NAMPT: variants seen among roughly 807,000 people sequenced by gnomAD.
NAMPT encodes NAmPRTase.
In NAMPT, 7 loss-of-function variants were observed where a neutral mutation model predicts 58.7. That is an observed-to-expected ratio of 0.12 (90% CI 0.07 to 0.22). The LOEUF is 0.22. Ranked by LOEUF, NAMPT falls within the 10% of genes least tolerant of loss-of-function variation. NAMPT has a pLI of 1.00. For synonymous variants in NAMPT, 145 were observed against 198.1 expected (o/e 0.73, Z 2.25); for missense variants, 271 against 567.9 (o/e 0.48, Z 5.31).
At chr7:106,274,880 C>G in intron 3 of NAMPT, 66 bp downstream of exon 3, 2 of 1,048,710 alleles carry the variant, frequency 1.9e-6, no homozygotes, top group Middle Eastern at 6.3e-4. Context: ...AAAACAAATT[C>G]CTTTGCAAGA....
Position 106,274,726 on chromosome 7 carries a change from G to A in NAMPT, c.318+220C>T, listed in dbSNP as rs370963317. On this transcript the variant is annotated intron_variant, in intron 3 of 10. Coordinates refer to ENST00000222553, the MANE Select transcript of NAMPT (RefSeq NM_005746.3). ...AAAAATTAGCCAGGTGTGGTGGTGC[G>A]TGCCTGTAGTCCCAGCTACTAAGGA... Among the ~76,000 whole-genome samples the A allele has an allele frequency of 1.2e-3, 188 of 152,158 alleles. 7 individuals are homozygous for A. The South Asian group carries it at 0.037, about 30-fold the overall frequency.
Position 106,263,936 on chromosome 7 carries a change from A to C in NAMPT, c.744-319T>G, listed in dbSNP as rs149158652. Among the ~76,000 whole-genome samples, 1,391 of 152,118 alleles carry C rather than the reference A, an allele frequency of 9.1e-3. 11 individuals carry two copies. Among genetic ancestry groups the C allele is most frequent in the Admixed American group, 0.015 (230 of 15,280 alleles). Reference sequence around the variant, plus strand: ...AATCTACTCATTTAAAATCAGTCTAACTAAAAAGCACTTGCTGAGTGCCCT... The same window carrying C: ...AATCTACTCATTTAAAATCAGTCTACCTAAAAAGCACTTGCTGAGTGCCCT... On this transcript the variant is annotated intron_variant, in intron 6 of 10. Transcript: ENST00000222553.
intron 6 of NAMPT, among the ~76,000 whole-genome samples, chr7:106,267,853 AAAAAAAAAAAAAAAAAAAAAAAAC>A (rs1235404346): frequency 1.8e-5 from 2 of 113,912 alleles, no homozygotes; most frequent in African/African-American, 6.1e-5. Context: ...AAAAAAAAAA[AAAAAAAAAAAAAAAAAAAAAAAAC>A]AACCTGATTT....
intron 2 of NAMPT, 142 bp downstream of exon 2, chr7:106,276,881 C>A: frequency 1.6e-6 from 1 of 636,632 alleles, no homozygotes; most frequent in Non-Finnish European, 2.6e-6. Context: ...GAAAACTTTT[C>A]TCATACTTAG....
rs1378164973 is a variant in NAMPT at position 106,265,913 on chromosome 7, T to C, written c.744-2296A>G. Among the ~76,000 whole-genome samples the C allele has an allele frequency of 2.0e-5, 3 of 152,364 alleles. No homozygotes were observed. In the East Asian group the frequency reaches 5.8e-4, roughly 29 times the overall value. On this transcript the variant is annotated intron_variant, in intron 6 of 10. Transcript: ENST00000222553. The stretch of plus-strand genomic sequence containing the variant: ...TTAGGTGCAGATTCATCTATTAAGA[T>C]ACATACAATAGTGGTAAACCTCTAA...
intron 2 of NAMPT, chr7:106,275,428 T>G (rs1289198396): frequency 1.3e-5 from 2 of 154,628 alleles, no homozygotes; most frequent in Non-Finnish European, 2.9e-5. Context: ...ATGTGGCATC[T>G]TTAGGGTTGG....
rs1792130134 is a variant in NAMPT, at chr7:106,253,004, C to G, written c.1365+13G>C. The stretch of plus-strand genomic sequence containing the variant: ...ACTATTGCTTAAAAAAACCAATCAG[C>G]ATAGATACATACCTGACCATATTCC... On this transcript the variant is annotated intron_variant, in intron 10 of 10. Transcript: ENST00000222553. 1 of 1,611,772 alleles carries G rather than the reference C, an allele frequency of 6.2e-7. No homozygotes were observed. Among genetic ancestry groups the G allele is most frequent in the African/African-American group, 1.3e-5 (1 of 74,866 alleles).
chr7:106,267,872 A>AAAAAAAAAAAAAAAAAAAAAAAC (rs1562815992), intron 6 of NAMPT, among the ~76,000 whole-genome samples: 2 of 136,274 alleles, frequency 1.5e-5, no homozygotes, highest in African/African-American at 5.8e-5. Flanking sequence ...AAAAAAAAAA[A>AAAAAAAAAAAAAAAAAAAAAAAC]AAAACAACCT....
chr7:106,274,179 C>A (rs138684943), intron 3 of NAMPT, among the ~76,000 whole-genome samples: 1 of 151,228 alleles, frequency 6.6e-6, no homozygotes, highest in Non-Finnish European at 1.5e-5. Context: ...TCTCACTATA[C>A]AGTGAGAAAC....
At chr7:106,261,529 C>A in intron 8 of NAMPT, 59 bp downstream of exon 8, 2 of 1,327,738 alleles carry the variant, frequency 1.5e-6, no homozygotes, top group South Asian at 2.7e-5. Context: ...CTTTATCAAA[C>A]ATAAACAAAC....
At chr7:106,256,048 A>T (rs1321282876) in intron 8 of NAMPT, among the ~76,000 whole-genome samples, 1 of 152,198 alleles carries the variant, frequency 6.6e-6, no homozygotes, top group Non-Finnish European at 1.5e-5. Flanking sequence ...GTTAAAGTGA[A>T]TTTTGAGTCT....
intron 8 of NAMPT, among the ~76,000 whole-genome samples, chr7:106,257,324 A>G (rs1792219480): frequency 6.6e-6 from 1 of 151,882 alleles, no homozygotes; most frequent in South Asian, 2.1e-4. Context: ...AACTATACAG[A>G]TGCACATACA....
intron 9 of NAMPT, chr7:106,253,435 T>C (rs1792137508): frequency 3.0e-5 from 10 of 333,228 alleles, no homozygotes. Flanking sequence ...CATTCTAACA[T>C]GTGACCCTTA....
Position 106,250,278 on chromosome 7 carries a change from A to T in NAMPT, c.*805T>A, listed in dbSNP as rs1792084348. ...GGAAGCAGAAATTCTCTCTAAAAAC[A>T]TTATCTCCTTAAAATCTTGAGGTGC... On this transcript the variant is annotated 3_prime_UTR_variant, in exon 11 of 11. Coordinates refer to ENST00000222553, the MANE Select transcript of NAMPT (RefSeq NM_005746.3). 1 of 152,284 alleles carries T rather than the reference A, an allele frequency of 6.6e-6. No homozygotes were observed. Among genetic ancestry groups the T allele is most frequent in the Non-Finnish European group, 1.5e-5 (1 of 67,882 alleles). 9.4% of individuals were successfully genotyped at this position (152,284 alleles called of 1,614,324 possible). A position where few individuals can be genotyped will look rare whatever the true frequency, so the allele number is the denominator to read the frequency against.
At chr7:106,252,352 T>G (rs1166194880) in intron 10 of NAMPT, among the ~76,000 whole-genome samples, 1 of 152,106 alleles carries the variant, frequency 6.6e-6, no homozygotes, top group East Asian at 1.9e-4. Flanking sequence ...GTAACAAAGT[T>G]ATTTCAATTC....
intron 4 of NAMPT, chr7:106,270,290 A>C (rs1486507467): frequency 2.4e-6 from 1 of 424,110 alleles, no homozygotes; most frequent in Non-Finnish European, 5.0e-6. Context: ...AGCAGCTTCA[A>C]ATCTGTTTGA....
In NAMPT at chr7:106,263,759, A is replaced by G. The variant is rs1792358593; in HGVS notation, c.744-142T>C. The G allele has an allele frequency of 5.8e-6, 4 of 688,792 alleles. No individual in the cohort carries two copies. The Admixed American group carries it at 8.2e-5, about 14-fold the overall frequency. The allele number at this position is 688,792 out of a possible 1,614,324, so 42.7% of individuals were successfully genotyped here. Reference sequence around the variant, plus strand: ...GAGTGACTTAGTTTAATGAATATACATCGTAAGGCAAATGAAGTAGCTGGG... The same window carrying G: ...GAGTGACTTAGTTTAATGAATATACGTCGTAAGGCAAATGAAGTAGCTGGG... On this transcript the variant is annotated intron_variant, in intron 6 of 10. Coordinates refer to ENST00000222553, the MANE Select transcript of NAMPT (RefSeq NM_005746.3).
chr7:106,261,497 A>C (rs913337677), intron 8 of NAMPT, 91 bp downstream of exon 8: 1 of 1,072,498 alleles, frequency 9.3e-7, no homozygotes, highest in Non-Finnish European at 1.4e-6. Flanking sequence ...ACAAAGACTT[A>C]AAATTGTATT....
chr7:106,274,461 G>A (rs958944969), intron 3 of NAMPT, among the ~76,000 whole-genome samples: 2 of 151,880 alleles, frequency 1.3e-5, no homozygotes, highest in African/African-American at 2.4e-5. Flanking sequence ...AGGATATATT[G>A]GCTATAATAT....
Sources: allele counts gnomAD v4.1 joint callset (sites outside exome capture counted in the v4.1 genomes callset), GRCh38; gene constraint gnomAD v4.1.1; transcripts MANE v1.5; gene names NCBI Gene and HGNC (gene_info 2026-07-23, HGNC 2026-07-21).